GPR137B: variants seen among roughly 807,000 people sequenced by gnomAD.
GPR137B encodes the protein G protein-coupled receptor 137B.
Under a neutral mutation model 42.5 loss-of-function variants are expected in GPR137B, and 42 were observed. That is an observed-to-expected ratio of 0.99 (90% CI 0.77 to 1.28). The LOEUF (loss-of-function observed/expected upper bound fraction) is 1.28. GPR137B is among the 50% of genes most tolerant of loss of function. The probability of loss-of-function intolerance (pLI) is 0.00; values close to 1 mark genes in which losing one functional copy is unlikely to be tolerated. For missense variants in GPR137B, 487 were observed against 493.9 expected, an observed-to-expected ratio of 0.99 and a Z score of 0.13; for synonymous variants, 218 against 209.7, an observed-to-expected ratio of 1.04 and a Z score of -0.34.
chr1:236,154,237 G>A (rs1397190919), intron 1 of GPR137B, among the ~76,000 whole-genome samples: 3 of 152,120 alleles, frequency 2.0e-5, no homozygotes, highest in South Asian at 2.1e-4. Context: ...TGTTCTCAGC[G>A]AATCGTGGGG....
At chr1:236,144,795 G>A (rs749354259) in intron 1 of GPR137B, among the ~76,000 whole-genome samples, 3 of 152,272 alleles carry the variant, frequency 2.0e-5, no homozygotes, top group East Asian at 1.9e-4. Context: ...GGTATTGCAC[G>A]TTGAGCTCTT....
At chr1:236,172,040 CAA>C (rs554280420) in intron 2 of GPR137B, among the ~76,000 whole-genome samples, 21 of 72,436 alleles carry the variant, frequency 2.9e-4, no homozygotes, top group Admixed American at 3.1e-4. Flanking sequence ...AACTCCATCT[CAA>C]AAAAAAAAAA....
chr1:236,172,883 G>A (rs1355131180), intron 2 of GPR137B, among the ~76,000 whole-genome samples: 2 of 151,228 alleles, frequency 1.3e-5, no homozygotes, highest in South Asian at 4.2e-4. Context: ...TTAGAGACAG[G>A]TTCTTGCTAT....
intron 1 of GPR137B, among the ~76,000 whole-genome samples, chr1:236,154,825 C>T (rs1465586872): frequency 6.6e-6 from 1 of 152,166 alleles, no homozygotes; most frequent in African/African-American, 2.4e-5. Context: ...TGCACACTGC[C>T]GCACGTGGCC....
At chr1:236,183,220 A>G (rs1009227370) in intron 4 of GPR137B, among the ~76,000 whole-genome samples, 1 of 152,200 alleles carries the variant, frequency 6.6e-6, no homozygotes, top group Admixed American at 6.5e-5. Flanking sequence ...GCTAGCCTAC[A>G]GTACGCTTTA....
intron 1 of GPR137B, among the ~76,000 whole-genome samples, chr1:236,161,822 C>G (rs1662210958): frequency 6.6e-6 from 1 of 152,294 alleles, no homozygotes; most frequent in Middle Eastern, 3.4e-3. Context: ...TGAGGCCTCC[C>G]CAGCCATGTG....
At chr1:236,207,998 C>A in intron 6 of GPR137B, 52 bp from the exon 7 acceptor site, 1 of 1,306,212 alleles carries the variant, frequency 7.7e-7, no homozygotes, top group South Asian at 1.2e-5. Context: ...TAGACTATGT[C>A]ATACATACTA....
At chr1:236,183,751 A>T (rs771406291) in intron 4 of GPR137B, 27 bp from the exon 5 acceptor site, 1 of 1,571,366 alleles carries the variant, frequency 6.4e-7, no homozygotes, top group Non-Finnish European at 8.7e-7. Context: ...CCTTGGTCTG[A>T]TGACTCTCCC....
chr1:236,157,590 T>C (rs536680287), intron 1 of GPR137B, among the ~76,000 whole-genome samples: 17 of 152,286 alleles, frequency 1.1e-4, no homozygotes, highest in South Asian at 2.1e-4. Flanking sequence ...TGGCCTGTTA[T>C]ATAGGAGTAG....
intron 1 of GPR137B, among the ~76,000 whole-genome samples, chr1:236,145,514 A>G (rs1661658671): frequency 6.6e-6 from 1 of 152,130 alleles, no homozygotes; most frequent in Admixed American, 6.6e-5. Context: ...GTGTGCCACT[A>G]TGCCCAGCTA....
At chr1:236,144,056 G>A (rs922202402) in intron 1 of GPR137B, among the ~76,000 whole-genome samples, 6 of 150,498 alleles carry the variant, frequency 4.0e-5, no homozygotes, top group Non-Finnish European at 7.4e-5. Flanking sequence ...GAAACCCTGT[G>A]CAAGCAGGCA....
chr1:236,172,191 G>T (rs2102905924), intron 2 of GPR137B, among the ~76,000 whole-genome samples: 1 of 152,328 alleles, frequency 6.6e-6, no homozygotes. Context: ...TTATTCCTGT[G>T]TAGGCACATC....
intron 2 of GPR137B, among the ~76,000 whole-genome samples, chr1:236,169,584 C>T (rs1399808380): frequency 6.6e-6 from 1 of 152,106 alleles, no homozygotes; most frequent in East Asian, 1.9e-4. Flanking sequence ...GAGGCATGGA[C>T]ATTTTGTGGA....
rs114425958 is a variant in GPR137B, at chr1:236,164,443, G to A, written c.415-4263G>A. ...CGTCTGCCTCCCCACAGGAGCCGTC[G>A]CCCCTCCCAGCTGAGTTCCTGCCAA... On this transcript the variant is annotated intron_variant, in intron 1 of 6. Coordinates refer to ENST00000366592, the MANE Select transcript of GPR137B (RefSeq NM_003272.4). 5.0e-3 allele frequency among the ~76,000 whole-genome samples: 760 copies of A among 152,294 alleles called. 6 individuals carry two copies. The highest frequency in any genetic ancestry group is 8.7e-3 in the Non-Finnish European group (592 of 68,028).
Position 236,155,567 on chromosome 1 carries a change from G to A in GPR137B, c.414+12531G>A, listed in dbSNP as rs1661999289. 6.6e-6 allele frequency among the ~76,000 whole-genome samples: 1 copy of A among 152,144 alleles called. No homozygotes were observed. The highest frequency in any genetic ancestry group is 6.5e-5 in the Admixed American group (1 of 15,276). ...CTAGAGTCCCGTCTCCTCGCGGGCT[G>A]CCTGCTGGGCTGACTTATCAATGTG... On this transcript the variant is annotated intron_variant, in intron 1 of 6. Transcript: ENST00000366592. This position sits in a 1 kb window ranked among gnomAD's most constrained non-coding sequence, Gnocchi z 4.6.
intron 5 of GPR137B, among the ~76,000 whole-genome samples, chr1:236,203,051 A>G (rs534814364): frequency 1.3e-5 from 2 of 151,894 alleles, no homozygotes; most frequent in East Asian, 3.9e-4. Context: ...ATTCTGTTCT[A>G]TTGGTCTATG....
chr1:236,148,525 T>C (rs1571956757), intron 1 of GPR137B, among the ~76,000 whole-genome samples: 1 of 152,132 alleles, frequency 6.6e-6, no homozygotes, highest in Admixed American at 6.5e-5. Flanking sequence ...GTTCTCTCCA[T>C]GGGGAGAGGT....
At chr1:236,160,051 G>C (rs1457988244) in intron 1 of GPR137B, among the ~76,000 whole-genome samples, 1 of 152,220 alleles carries the variant, frequency 6.6e-6, no homozygotes, top group Non-Finnish European at 1.5e-5. Flanking sequence ...GAGGTTCTAG[G>C]TGGGACTTTC....
intron 5 of GPR137B, among the ~76,000 whole-genome samples, chr1:236,204,011 G>A: frequency 6.6e-6 from 1 of 152,248 alleles, no homozygotes; most frequent in Middle Eastern, 3.4e-3. Context: ...GGAAAGGCTT[G>A]TAGTTTTCCC....
Sources: gnomAD v4.1 joint callset for allele counts (sites outside exome capture counted in the v4.1 genomes callset) on GRCh38, gnomAD v4.1.1 for gene constraint, Gnocchi (gnomAD v3.1) non-coding constraint, MANE v1.5 for transcripts, NCBI Gene and HGNC (gene_info 2026-07-23, HGNC 2026-07-21) for gene names.